The following PTPRM variants were observed in gnomAD, a reference collection of about 807,000 sequenced individuals.
PTPRM encodes the protein receptor-type tyrosine-protein phosphatase mu.
Under a neutral mutation model 186.7 loss-of-function variants are expected in PTPRM, and 47 were observed. The observed-to-expected ratio is 0.25, with a 90% CI of 0.20 to 0.32. The LOEUF (loss-of-function observed/expected upper bound fraction) is 0.32, where lower values mean the gene tolerates loss of function less well. Ranked by LOEUF, PTPRM falls within the 10% of genes least tolerant of loss-of-function variation. The pLI, the probability that PTPRM is intolerant of heterozygous loss-of-function variation, is 1.00. For missense variants in PTPRM, 1,494 were observed against 1,865.0 expected (o/e 0.80, Z 3.66); for synonymous variants, 668 against 674.9 (o/e 0.99, Z 0.16).
intron 1 of PTPRM, among the ~76,000 whole-genome samples, chr18:7,690,868 G>T (rs191958418): frequency 6.6e-6 from 1 of 152,298 alleles, no homozygotes; most frequent in East Asian, 1.9e-4. Flanking sequence ...CCTTCTTCAA[G>T]TGTATACTTC....
At chr18:7,715,939 A>C (rs1044002259) in intron 1 of PTPRM, among the ~76,000 whole-genome samples, 1 of 152,234 alleles carries the variant, frequency 6.6e-6, no homozygotes, top group African/African-American at 2.4e-5. Flanking sequence ...ATACTGCCCA[A>C]AGTAATTTAT....
chr18:7,961,415 G>C (rs974496989), intron 7 of PTPRM, among the ~76,000 whole-genome samples: 1 of 152,154 alleles, frequency 6.6e-6, no homozygotes, highest in Non-Finnish European at 1.5e-5. Flanking sequence ...GTAGCATAAT[G>C]TTCTCCAGGT....
chr18:7,746,987 C>G (rs1248411909), intron 1 of PTPRM, among the ~76,000 whole-genome samples: 3 of 152,090 alleles, frequency 2.0e-5, no homozygotes, highest in African/African-American at 4.8e-5. Context: ...TGTGAACTCC[C>G]AGGGCTGTTT....
intron 1 of PTPRM, among the ~76,000 whole-genome samples, chr18:7,635,648 T>A (rs963589011): frequency 1.3e-5 from 2 of 152,238 alleles, no homozygotes; most frequent in African/African-American, 2.4e-5. Flanking sequence ...GTGAACATTC[T>A]TTTAAAATTT....
At chr18:8,027,420 G>C (rs561521827) in intron 7 of PTPRM, among the ~76,000 whole-genome samples, 1 of 152,272 alleles carries the variant, frequency 6.6e-6, no homozygotes, top group Admixed American at 6.5e-5. Context: ...TTTAGCATAT[G>C]AGAGTGATTA....
At chr18:7,720,955 A>T (rs2040434481) in intron 1 of PTPRM, among the ~76,000 whole-genome samples, 1 of 152,074 alleles carries the variant, frequency 6.6e-6, no homozygotes, top group African/African-American at 2.4e-5. Context: ...CAGATTTCTC[A>T]GGACCATGCT....
chr18:8,097,470 C>G (rs958804454), intron 11 of PTPRM, among the ~76,000 whole-genome samples: 1 of 152,124 alleles, frequency 6.6e-6, no homozygotes, highest in African/African-American at 2.4e-5. Flanking sequence ...AAAATCCTGG[C>G]CCTTCATAGC....
intron 7 of PTPRM, among the ~76,000 whole-genome samples, chr18:7,987,681 A>G (rs72897616): frequency 1.3e-5 from 2 of 152,188 alleles, no homozygotes; most frequent in Non-Finnish European, 2.9e-5. Context: ...TATCTGGTTT[A>G]GAAAACTCAT....
intron 19 of PTPRM, among the ~76,000 whole-genome samples, chr18:8,279,900 AG>A (rs888396968): frequency 9.9e-5 from 15 of 152,216 alleles, no homozygotes; most frequent in African/African-American, 3.6e-4. Flanking sequence ...CTGGCTTTCT[AG>A]ATAGTGCCAC....
chr18:7,781,383 G>A (rs2042846446), intron 2 of PTPRM, among the ~76,000 whole-genome samples: 1 of 152,028 alleles, frequency 6.6e-6, no homozygotes, highest in Non-Finnish European at 1.5e-5. Context: ...CTATTTTTTT[G>A]AGTCAAGATT....
At chr18:7,984,886 T>C (rs1470340451) in intron 7 of PTPRM, among the ~76,000 whole-genome samples, 1 of 130,160 alleles carries the variant, frequency 7.7e-6, no homozygotes, top group Non-Finnish European at 1.5e-5. Context: ...TATAATTATA[T>C]ATACATATAT....
chr18:7,847,327 T>C (rs1414554482), intron 2 of PTPRM, among the ~76,000 whole-genome samples: 1 of 151,866 alleles, frequency 6.6e-6, no homozygotes, highest in Non-Finnish European at 1.5e-5. Flanking sequence ...CCACCACACC[T>C]GGCTAATTTT....
At chr18:7,803,584 C>A (rs1362728679) in intron 2 of PTPRM, among the ~76,000 whole-genome samples, 1 of 152,062 alleles carries the variant, frequency 6.6e-6, no homozygotes, top group Non-Finnish European at 1.5e-5. Context: ...CATACTACAG[C>A]AGACAAAAGA....
intron 4 of PTPRM, among the ~76,000 whole-genome samples, chr18:7,925,040 C>T (rs1227379027): frequency 6.6e-6 from 1 of 152,134 alleles, no homozygotes; most frequent in Non-Finnish European, 1.5e-5. Context: ...TGTGAGTACT[C>T]AATGGAAAAG....
At position 8,370,924 on chromosome 18, in the gene PTPRM, A is replaced by G. The variant is rs752863784; in HGVS notation, c.3089A>G (p.Glu1030Gly). 6.2e-7 allele frequency: 1 copy of G among 1,605,004 alleles called. No individual in the cohort carries two copies. Among genetic ancestry groups the G allele is most frequent in the Middle Eastern group, 1.7e-4 (1 of 6,034 alleles). Residue 1030 changes from glutamate to glycine, a missense_variant, in exon 24 of 33, where the codon GAG becomes GGG. Transcript: ENST00000580170. ...TGCAAATACTGGCCAGATGACACAG[A>G]GATATATAAAGACATTAAAGTTACC... ...KCCKYWPDDT[E>G]IYKDIKVTLI...
At chr18:8,311,291 AAG>A (rs2095266252) in intron 20 of PTPRM, among the ~76,000 whole-genome samples, 1 of 152,056 alleles carries the variant, frequency 6.6e-6, no homozygotes, top group African/African-American at 2.4e-5. Flanking sequence ...CCTGAGCAAA[AAG>A]AACAAAACTC....
intron 7 of PTPRM, among the ~76,000 whole-genome samples, chr18:7,998,419 T>C (rs910217421): frequency 3.9e-5 from 6 of 152,144 alleles, no homozygotes; most frequent in African/African-American, 1.4e-4. Flanking sequence ...ATTTGATTAT[T>C]ACACATTGTA....
intron 7 of PTPRM, among the ~76,000 whole-genome samples, chr18:8,027,904 T>C (rs540855155): frequency 5.4e-4 from 83 of 152,320 alleles, no homozygotes; most frequent in Non-Finnish European, 9.4e-4. Context: ...GTCTTCTGTC[T>C]CTTCTCCACG....
chr18:7,988,278 A>G lies in PTPRM; in HGVS notation c.1132+32864A>G, dbSNP rs142217742. Reference sequence around the variant, plus strand: ...TGCAAATGATTTAGAGATACTTTCAATGATCTGAAGTTTTTGGTAAAATTA... The same window carrying G: ...TGCAAATGATTTAGAGATACTTTCAGTGATCTGAAGTTTTTGGTAAAATTA... On this transcript the variant is annotated intron_variant, in intron 7 of 32. Transcript: ENST00000580170. Among the ~76,000 whole-genome samples the G allele has an allele frequency of 2.2e-3, 330 of 152,286 alleles. 4 individuals carry two copies. The highest frequency in any genetic ancestry group is 7.6e-3 in the African/African-American group (315 of 41,566).
Sources: gnomAD v4.1 joint callset for allele counts (sites outside exome capture counted in the v4.1 genomes callset) on GRCh38, gnomAD v4.1.1 for gene constraint, MANE v1.5 for transcripts, NCBI Gene and HGNC (gene_info 2026-07-23, HGNC 2026-07-21) for gene names.